The following PTGER4 variants were observed in gnomAD, a reference collection of about 807,000 sequenced individuals.
PTGER4 encodes the protein prostaglandin E2 receptor EP4 subtype.
A neutral mutation model predicts 33.2 loss-of-function variants in PTGER4; 11 were observed. The observed-to-expected ratio is 0.33, with a 90% CI of 0.21 to 0.55. The LOEUF (loss-of-function observed/expected upper bound fraction) is 0.55, where lower values mean the gene tolerates loss of function less well. Among genes scored for constraint, PTGER4 ranks in the 20% least tolerant of loss-of-function variants. PTGER4 has a pLI of 0.92. For synonymous variants in PTGER4, 275 were observed against 281.5 expected, an observed-to-expected ratio of 0.98 and a Z score of 0.23; for missense variants, 481 against 650.2, an observed-to-expected ratio of 0.74 and a Z score of 2.83.
chr5:40,693,292 C>T lies in PTGER4; in HGVS notation c.*914C>T. The T allele has an allele frequency of 1.0e-6, 1 of 970,774 alleles. No homozygotes were observed. Among genetic ancestry groups the T allele is most frequent in the Non-Finnish European group, 1.2e-6 (1 of 816,618 alleles). The allele number at this position is 970,774 out of a possible 1,614,324, so 60.1% of individuals were successfully genotyped here. On this transcript the variant is annotated 3_prime_UTR_variant, in exon 3 of 3. Transcript: ENST00000302472. ...TTTTTTGAAGTCTTTAATAAATAAC[C>T]CATAATTGAAGTGTATAATATAAAA...
At chr5:40,716,148 T>C in the PTGER4 span, 2 of 1,596,060 alleles carry the variant, frequency 1.3e-6, no homozygotes, top group Admixed American at 3.4e-5. Flanking sequence ...TACTGCTTCA[T>C]CGGGCTTTGA....
Position 40,691,747 on chromosome 5 carries a change from T to C in PTGER4, c.868-32T>C, listed in dbSNP as rs148644144. On this transcript the variant is annotated intron_variant, in intron 2 of 2. Transcript: ENST00000302472. This position sits in a 1 kb window ranked among gnomAD's most constrained non-coding sequence, Gnocchi z 4.2. ...ATATGTTTTCCCAATTGATTAATGATGAAATCTAAATGTGCGATCTCACTT... is the reference window on the plus strand; with the variant it reads ...ATATGTTTTCCCAATTGATTAATGACGAAATCTAAATGTGCGATCTCACTT... 9,046 of 1,581,386 alleles carry C rather than the reference T, an allele frequency of 5.7e-3. 44 individuals are homozygous for C. The highest frequency in any genetic ancestry group is 6.8e-3 in the Non-Finnish European group (7,930 of 1,164,340).
rs1741143380 is a variant in PTGER4 at position 40,679,962 on chromosome 5, G to A, written c.-560G>A. ...CGGAGCTCCAAGCCCGGCAGCCCGA[G>A]AGGAAGATGAACAGCCCCAGGCCAG... On this transcript the variant is annotated 5_prime_UTR_variant, in exon 1 of 3. Transcript: ENST00000302472. 1 of 152,650 alleles carries A rather than the reference G, an allele frequency of 6.6e-6. No individual in the cohort carries two copies. Among genetic ancestry groups the A allele is most frequent in the Admixed American group, 6.5e-5 (1 of 15,298 alleles). The allele number at this position is 152,650 out of a possible 1,614,324, so 9.5% of individuals were successfully genotyped here. A position where few individuals can be genotyped will look rare whatever the true frequency, so the allele number is the denominator to read the frequency against.
At chr5:40,730,758 C>A in the PTGER4 span, among the ~76,000 whole-genome samples, 1 of 152,140 alleles carries the variant, frequency 6.6e-6, no homozygotes, top group African/African-American at 2.4e-5. Context: ...AGTCCAGCAA[C>A]TTACTAAAGT....
chr5:40,704,652 C>T, the PTGER4 span, among the ~76,000 whole-genome samples: 2 of 152,130 alleles, frequency 1.3e-5, no homozygotes, highest in African/African-American at 2.4e-5. Flanking sequence ...AATCATTATA[C>T]AAAAATCACT....
At chr5:40,697,192 AAAGAAAAG>A (rs1185063519), downstream of PTGER4, among the ~76,000 whole-genome samples, 23 of 144,816 alleles carry the variant, frequency 1.6e-4, no homozygotes, top group African/African-American at 5.7e-4. Context: ...ATTAAGAAAG[AAAGAAAAG>A]AAAGAAAGAA....
chr5:40,720,999 A>T, the PTGER4 span, among the ~76,000 whole-genome samples: 3 of 152,224 alleles, frequency 2.0e-5, no homozygotes, highest in Non-Finnish European at 4.4e-5. Flanking sequence ...ACCAGAGATA[A>T]CGGAGGTTTG....
At chr5:40,718,465 G>C in the PTGER4 span, among the ~76,000 whole-genome samples, 1 of 151,622 alleles carries the variant, frequency 6.6e-6, no homozygotes, top group Non-Finnish European at 1.5e-5. Context: ...TATTTGGCCA[G>C]GCGTGGTGGC....
the PTGER4 span, among the ~76,000 whole-genome samples, chr5:40,741,219 T>C: frequency 6.6e-6 from 1 of 152,338 alleles, no homozygotes; most frequent in African/African-American, 2.4e-5. Context: ...AAGTATCAGT[T>C]TGAACCCTTC....
chr5:40,706,011 T>C, the PTGER4 span, among the ~76,000 whole-genome samples: 1 of 152,086 alleles, frequency 6.6e-6, no homozygotes, highest in African/African-American at 2.4e-5. Flanking sequence ...CATTCTACCA[T>C]AAAAACACAT....
the PTGER4 span, among the ~76,000 whole-genome samples, chr5:40,721,764 A>G: frequency 6.6e-6 from 1 of 152,200 alleles, no homozygotes; most frequent in Non-Finnish European, 1.5e-5. Flanking sequence ...ATATAACACC[A>G]AAAACATAGG....
the PTGER4 span, chr5:40,728,245 C>T: frequency 6.1e-6 from 6 of 978,394 alleles, no homozygotes; most frequent in Non-Finnish European, 7.0e-6. Flanking sequence ...GATTGCACCA[C>T]TGCACTGTAC....
chr5:40,693,886 A>G (rs1177411804), downstream of PTGER4, among the ~76,000 whole-genome samples: 1 of 152,064 alleles, frequency 6.6e-6, no homozygotes, highest in African/African-American at 2.4e-5. Flanking sequence ...TCTTGTATAC[A>G]CTTAGTAGAG....
chr5:40,732,801 T>C, the PTGER4 span, among the ~76,000 whole-genome samples: 2 of 152,088 alleles, frequency 1.3e-5, no homozygotes, highest in Admixed American at 1.3e-4. Context: ...AGAGATGGGG[T>C]TTCACCATGT....
chr5:40,738,239 C>T, the PTGER4 span, among the ~76,000 whole-genome samples: 1 of 151,796 alleles, frequency 6.6e-6, no homozygotes, highest in Non-Finnish European at 1.5e-5. Flanking sequence ...CGGTGAAACC[C>T]TGTCTCTACT....
Position 40,693,567 on chromosome 5 carries a change from C to G in PTGER4, c.*1189C>G. On this transcript the variant is annotated 3_prime_UTR_variant, in exon 3 of 3. Coordinates refer to ENST00000302472, the MANE Select transcript of PTGER4 (RefSeq NM_000958.3). ...GTGTAACTCCCAGTGATGCTGTACA[C>G]ATATTTGAAGGGTCTTTCTCAAAGA... The G allele has an allele frequency of 4.1e-6, 4 of 985,920 alleles. No homozygotes were observed. Among genetic ancestry groups the G allele is most frequent in the Non-Finnish European group, 4.8e-6 (4 of 829,878 alleles). 61.1% of individuals were successfully genotyped at this position (985,920 alleles called of 1,614,324 possible).
At chr5:40,710,667 G>A in the PTGER4 span, among the ~76,000 whole-genome samples, 1 of 152,234 alleles carries the variant, frequency 6.6e-6, no homozygotes, top group South Asian at 2.1e-4. Context: ...GAAAAGACTT[G>A]CAACCAACCC....
In PTGER4 at chr5:40,693,346, T is replaced by C; in HGVS notation, c.*968T>C. 1.0e-6 allele frequency: 1 copy of C among 982,734 alleles called. No individual in the cohort carries two copies. The highest frequency in any genetic ancestry group is 1.2e-6 in the Non-Finnish European group (1 of 827,154). 60.9% of individuals were successfully genotyped at this position (982,734 alleles called of 1,614,324 possible). A position where few individuals can be genotyped will look rare whatever the true frequency, so the allele number is the denominator to read the frequency against. ...TTTAAAAATCTAAGCAGCTTATTGT[T>C]TCTCTGAAAGTGTGTGTAGTTTTAC... On this transcript the variant is annotated 3_prime_UTR_variant, in exon 3 of 3. Transcript: ENST00000302472.
the PTGER4 span, among the ~76,000 whole-genome samples, chr5:40,726,622 A>C: frequency 6.6e-6 from 1 of 152,016 alleles, no homozygotes; most frequent in Non-Finnish European, 1.5e-5. Context: ...AACAGAAAAA[A>C]AAAAAGTCGA....
Sources: gnomAD v4.1 joint callset for allele counts (sites outside exome capture counted in the v4.1 genomes callset) on GRCh38, gnomAD v4.1.1 for gene constraint, Gnocchi (gnomAD v3.1) non-coding constraint, MANE v1.5 for transcripts, NCBI Gene and HGNC (gene_info 2026-07-23, HGNC 2026-07-21) for gene names.